DNAJC1: variants seen among roughly 807,000 people sequenced by gnomAD.
DNAJC1 encodes the protein dnaJ homolog subfamily C member 1.
A neutral mutation model predicts 76.6 loss-of-function variants in DNAJC1; 58 were observed. The ratio of observed to expected loss-of-function variants is 0.76; its 90% CI spans 0.61 to 0.94. The LOEUF (loss-of-function observed/expected upper bound fraction) is 0.94, where lower values mean the gene tolerates loss of function less well. Among genes scored for constraint, DNAJC1 ranks in the 40% least tolerant of loss-of-function variants. The pLI, the probability that DNAJC1 is intolerant of heterozygous loss-of-function variation, is 0.00. For missense variants in DNAJC1, 689 were observed against 677.3 expected (o/e 1.02, Z -0.19); for synonymous variants, 258 against 267.9 (o/e 0.96, Z 0.36).
At chr10:21,793,121 C>A (rs1404785539) in intron 9 of DNAJC1, among the ~76,000 whole-genome samples, 1 of 152,040 alleles carries the variant, frequency 6.6e-6, no homozygotes, top group East Asian at 1.9e-4. Flanking sequence ...GTCTGGCCAA[C>A]GTGGTGAAAC....
chr10:21,886,736 GAATA>G (rs1564817618), intron 7 of DNAJC1, among the ~76,000 whole-genome samples: 1 of 151,944 alleles, frequency 6.6e-6, no homozygotes, highest in African/African-American at 2.4e-5. Context: ...ATGATTACCT[GAATA>G]GATACAGAAA....
chr10:21,956,819 A>AACACACAC (rs3051926), intron 1 of DNAJC1, among the ~76,000 whole-genome samples: 7 of 142,122 alleles, frequency 4.9e-5, no homozygotes, highest in African/African-American at 1.6e-4. Flanking sequence ...GTTTATACAT[A>AACACACAC]ACACACACAC....
chr10:21,899,194 C>T (rs1006920230), intron 7 of DNAJC1, among the ~76,000 whole-genome samples: 1 of 152,218 alleles, frequency 6.6e-6, no homozygotes, highest in African/African-American at 2.4e-5. Flanking sequence ...ATACACAGAG[C>T]TATGTGGAGT....
chr10:21,980,516 A>C (rs2131836947), intron 1 of DNAJC1, among the ~76,000 whole-genome samples: 1 of 152,272 alleles, frequency 6.6e-6, no homozygotes, highest in South Asian at 2.1e-4. Context: ...AAAAGTGTCA[A>C]GGTCAAGAAA....
At chr10:21,983,717 T>C (rs111637396) in intron 1 of DNAJC1, among the ~76,000 whole-genome samples, 1 of 89,890 alleles carries the variant, frequency 1.1e-5, no homozygotes, top group African/African-American at 4.8e-5. Flanking sequence ...CGAGATTCTG[T>C]CTCAAAAAAA....
chr10:21,866,252 GC>G (rs1453556792), intron 8 of DNAJC1, among the ~76,000 whole-genome samples: 2 of 151,520 alleles, frequency 1.3e-5, no homozygotes, highest in Non-Finnish European at 2.9e-5. Flanking sequence ...TGGAATGAAT[GC>G]TTTAAATAAA....
At chr10:21,907,968 A>G (rs1836774100) in intron 6 of DNAJC1, among the ~76,000 whole-genome samples, 1 of 138,980 alleles carries the variant, frequency 7.2e-6, no homozygotes, top group Non-Finnish European at 1.5e-5. Flanking sequence ...ACAGAGTGAG[A>G]CTCTGTCTGA....
chr10:21,929,645 T>C (rs983837627), intron 1 of DNAJC1, among the ~76,000 whole-genome samples: 35 of 152,160 alleles, frequency 2.3e-4, no homozygotes, highest in African/African-American at 7.5e-4. Context: ...AAAGCATGCC[T>C]ATCTGAAGGG....
intron 1 of DNAJC1, among the ~76,000 whole-genome samples, chr10:21,973,682 CAA>C (rs1838016929): frequency 6.7e-6 from 1 of 150,012 alleles, no homozygotes; most frequent in Admixed American, 6.6e-5. Flanking sequence ...GCATAGTTAA[CAA>C]AATTATTTTT....
chr10:21,984,923 G>T (rs1411730237), intron 1 of DNAJC1, among the ~76,000 whole-genome samples: 1 of 152,114 alleles, frequency 6.6e-6, no homozygotes, highest in African/African-American at 2.4e-5. Flanking sequence ...GTATGAAGAG[G>T]CCAAAGAGTG....
chr10:21,817,912 G>A (rs1835100953), intron 8 of DNAJC1, among the ~76,000 whole-genome samples: 1 of 152,140 alleles, frequency 6.6e-6, no homozygotes, highest in Admixed American at 6.5e-5. Flanking sequence ...ATTTTCGTAA[G>A]CTGAGGAGGA....
chr10:21,813,216 C>CTATA (rs1288966176), intron 8 of DNAJC1, among the ~76,000 whole-genome samples: 35 of 35,544 alleles, frequency 9.8e-4, no homozygotes, highest in Non-Finnish European at 1.2e-3. Flanking sequence ...CTCTCTCTCT[C>CTATA]TCTCTATATA....
intron 8 of DNAJC1, among the ~76,000 whole-genome samples, chr10:21,831,356 G>A (rs910630980): frequency 2.0e-5 from 3 of 152,118 alleles, no homozygotes; most frequent in African/African-American, 7.2e-5. Flanking sequence ...AAAACCCCAG[G>A]CACTAACACT....
intron 8 of DNAJC1, among the ~76,000 whole-genome samples, chr10:21,856,488 A>T (rs1023946112): frequency 3.9e-5 from 6 of 152,134 alleles, no homozygotes; most frequent in Non-Finnish European, 8.8e-5. Context: ...ATCTACTTCC[A>T]ATTCCACTTT....
chr10:21,834,349 G>C (rs1411891749), intron 8 of DNAJC1, among the ~76,000 whole-genome samples: 1 of 152,230 alleles, frequency 6.6e-6, no homozygotes, highest in Non-Finnish European at 1.5e-5. Context: ...GAGGAGCCAA[G>C]ATGGCCGAAT....
At chr10:21,883,842 A>G (rs1836323447) in intron 7 of DNAJC1, among the ~76,000 whole-genome samples, 1 of 152,186 alleles carries the variant, frequency 6.6e-6, no homozygotes, top group Non-Finnish European at 1.5e-5. Context: ...GCACTATCAT[A>G]AAGTCAAAAA....
chr10:21,900,360 GA>G (rs1183414296), intron 7 of DNAJC1, among the ~76,000 whole-genome samples: 6 of 147,092 alleles, frequency 4.1e-5, no homozygotes, highest in South Asian at 2.2e-4. Context: ...AAAAGCAAAA[GA>G]AAAAAAAAGA....
chr10:21,782,529 G>T (rs529663419), intron 9 of DNAJC1, among the ~76,000 whole-genome samples: 4 of 152,158 alleles, frequency 2.6e-5, no homozygotes, highest in Non-Finnish European at 4.4e-5. Flanking sequence ...GAAAAAGAGG[G>T]ATTCCTCCCT....
intron 1 of DNAJC1, among the ~76,000 whole-genome samples, chr10:21,962,459 CTTTTTTTTTTTTTT>C (rs34817098): frequency 7.5e-5 from 3 of 39,892 alleles, no homozygotes; most frequent in African/African-American, 1.3e-4. Flanking sequence ...TATTTTATTG[CTTTTTTTTTTTTTT>C]TTTTTTTTTG....
Sources: allele counts gnomAD v4.1 joint callset (sites outside exome capture counted in the v4.1 genomes callset), GRCh38; gene constraint gnomAD v4.1.1; transcripts MANE v1.5; gene names NCBI Gene and HGNC (gene_info 2026-07-23, HGNC 2026-07-21).